The following SAMD7 variants were observed in gnomAD, a reference collection of about 807,000 sequenced individuals.
The protein encoded by SAMD7 is sterile alpha motif domain-containing protein 7.
A neutral mutation model predicts 36.7 loss-of-function variants in SAMD7; 34 were observed. That is an observed-to-expected ratio of 0.93 (90% confidence interval 0.71 to 1.23). SAMD7 has a LOEUF of 1.23. Ranked by LOEUF, SAMD7 falls within the 50% of genes most tolerant of loss-of-function variation. The probability of loss-of-function intolerance (pLI) is 0.00; values close to 1 mark genes in which losing one functional copy is unlikely to be tolerated. For synonymous variants in SAMD7, 188 were observed against 189.7 expected, an observed-to-expected ratio of 0.99 and a Z score of 0.07; for missense variants, 570 against 546.6, an observed-to-expected ratio of 1.04 and a Z score of -0.43.
intron 7 of SAMD7, chr3:169,931,911 G>C (rs1455304079): frequency 3.7e-6 from 1 of 271,134 alleles, no homozygotes; most frequent in Non-Finnish European, 7.2e-6. Flanking sequence ...TGTAATGATG[G>C]AATCTCCTTA....
chr3:169,916,706 A>C (rs1022722212), intron 2 of SAMD7, among the ~76,000 whole-genome samples: 1 of 152,184 alleles, frequency 6.6e-6, no homozygotes, highest in African/African-American at 2.4e-5. Context: ...CTCACTCCTC[A>C]CTTATGAGTA....
Position 169,919,948 on chromosome 3 carries a change from G to C in SAMD7, c.86+364G>C, listed in dbSNP as rs570747157. The stretch of plus-strand genomic sequence containing the variant: ...CCAGCACTTTGGGAGGCCAAGGTGG[G>C]CAGATCACAATGTCAGGAGTTTGAG... On this transcript the variant is annotated intron_variant, in intron 3 of 8. Transcript: ENST00000335556. 1.1e-4 allele frequency among the ~76,000 whole-genome samples: 16 copies of C among 152,338 alleles called. No homozygotes were observed. In the South Asian group the frequency reaches 3.3e-3, roughly 32 times the overall value.
chr3:169,932,195 C>A, intron 7 of SAMD7: 1 of 739,340 alleles, frequency 1.4e-6, no homozygotes, highest in South Asian at 1.5e-5. Flanking sequence ...TTGCAGTCTT[C>A]CTAGGAGACT....
At chr3:169,919,008 T>A (rs559761885) in intron 2 of SAMD7, among the ~76,000 whole-genome samples, 4 of 151,870 alleles carry the variant, frequency 2.6e-5, no homozygotes, top group South Asian at 2.1e-4. Context: ...TAGCCGGGCG[T>A]GGTGGTGGGT....
intron 7 of SAMD7, among the ~76,000 whole-genome samples, chr3:169,930,056 T>C (rs984491309): frequency 6.6e-5 from 10 of 152,244 alleles, no homozygotes; most frequent in African/African-American, 2.4e-4. Flanking sequence ...ATCTGGCACA[T>C]TGAATTTGAA....
Position 169,938,691 on chromosome 3 carries a change from A to G in SAMD7, c.*185A>G, listed in dbSNP as rs1180372338. 1.5e-5 allele frequency: 7 copies of G among 456,320 alleles called. No homozygotes were observed. Among genetic ancestry groups the G allele is most frequent in the Non-Finnish European group, 2.3e-5 (6 of 260,742 alleles). 28.3% of individuals were successfully genotyped at this position (456,320 alleles called of 1,614,324 possible). On this transcript the variant is annotated 3_prime_UTR_variant, in exon 9 of 9. Coordinates refer to ENST00000335556, the MANE Select transcript of SAMD7 (RefSeq NM_001304366.2). ...GCCAGGGCTGAATGACCCCAGCACC[A>G]AATGACTGGAGACGCATCCTTAGGA...
chr3:169,918,049 T>G (rs1712888615), intron 2 of SAMD7, among the ~76,000 whole-genome samples: 1 of 152,140 alleles, frequency 6.6e-6, no homozygotes, highest in Non-Finnish European at 1.5e-5. Flanking sequence ...GCAATTCTCC[T>G]GCCTCAGCCT....
intron 6 of SAMD7, among the ~76,000 whole-genome samples, chr3:169,928,153 G>A (rs891448005): frequency 7.9e-5 from 12 of 152,118 alleles, no homozygotes; most frequent in African/African-American, 2.9e-4. Flanking sequence ...CACCTATCAC[G>A]AAAACATAGT....
chr3:169,926,127 T>TC, intron 5 of SAMD7: 2 of 519,920 alleles, frequency 3.8e-6, no homozygotes, highest in Non-Finnish European at 6.6e-6. Context: ...CCTCTGCTCT[T>TC]CCCCAGCCAC....
At chr3:169,925,209 TAACAA>T in intron 5 of SAMD7, 73 bp downstream of exon 5, 3 of 943,674 alleles carry the variant, frequency 3.2e-6, no homozygotes, top group Non-Finnish European at 3.3e-6. Context: ...TATCTTCATA[TAACAA>T]ATGAATAGAT....
chr3:169,930,343 C>T (rs1206853582), intron 7 of SAMD7, among the ~76,000 whole-genome samples: 3 of 152,098 alleles, frequency 2.0e-5, no homozygotes, highest in Non-Finnish European at 4.4e-5. Context: ...TTAGTTTCCC[C>T]ATTAAAGTAT....
chr3:169,913,708 C>T (rs1203130520), intron 1 of SAMD7, among the ~76,000 whole-genome samples: 2 of 152,226 alleles, frequency 1.3e-5, no homozygotes, highest in Non-Finnish European at 2.9e-5. Flanking sequence ...TGCACTTTTA[C>T]TTGAGCATTT....
chr3:169,925,802 C>T (rs910224357), intron 5 of SAMD7, among the ~76,000 whole-genome samples: 9 of 152,240 alleles, frequency 5.9e-5, no homozygotes, highest in African/African-American at 2.2e-4. Context: ...ATCAGTGTCC[C>T]ATAATTAAAA....
rs747217867 is a variant in SAMD7 at position 169,928,482 on chromosome 3, G to A, written c.945G>A (p.Gly315=). 4 of 1,612,716 alleles carry A rather than the reference G, an allele frequency of 2.5e-6. No homozygotes were observed. The Admixed American group carries it at 5.0e-5, about 20-fold the overall frequency. ...LPGTHALVTI[G]GNLSLDEDIQ... is the part of the protein sequence containing the mutation. ...GAACACATGCACTGGTTACAATTGGGGGGAATCTTTCTTTGGATGAAGATA... is the reference window on the plus strand; with the variant it reads ...GAACACATGCACTGGTTACAATTGGAGGGAATCTTTCTTTGGATGAAGATA... The change falls in exon 7 of 9, where the codon GGG becomes GGA. Residue 315 remains glycine (G), a synonymous_variant. Coordinates refer to ENST00000335556, the MANE Select transcript of SAMD7 (RefSeq NM_001304366.2).
intron 1 of SAMD7, among the ~76,000 whole-genome samples, chr3:169,913,226 C>T (rs945514627): frequency 2.0e-5 from 3 of 152,128 alleles, no homozygotes; most frequent in Non-Finnish European, 4.4e-5. Flanking sequence ...TGTATGTAAT[C>T]AGAAAACATG....
At position 169,928,511 on chromosome 3, in the gene SAMD7, A is replaced by C; in HGVS notation, c.974A>C (p.Gln325Pro). ...AATCTTTCTTTGGATGAAGATATTC[A>C]GAAGTGGACCGTGGATGATGTGCAC... ...GGNLSLDEDI[Q>P]KWTVDDVHSF... Residue 325 changes from glutamine to proline, a missense_variant, in exon 7 of 9, where the codon CAG (glutamine) becomes CCG (proline). Transcript: ENST00000335556. 1 of 1,613,818 alleles carries C rather than the reference A, an allele frequency of 6.2e-7. No homozygotes were observed. The highest frequency in any genetic ancestry group is 1.1e-5 in the South Asian group (1 of 91,076).
chr3:169,925,005 A>G, intron 4 of SAMD7, 53 bp from the exon 5 acceptor site: 1 of 1,087,886 alleles, frequency 9.2e-7, no homozygotes, highest in Non-Finnish European at 1.4e-6. Context: ...ATTATTTTCA[A>G]ATGCATGTTT....
At chr3:169,932,592 GT>G (rs1263462557) in intron 7 of SAMD7, 1 of 521,606 alleles carries the variant, frequency 1.9e-6, no homozygotes. Flanking sequence ...CACAATACTT[GT>G]TTTTATGGGA....
At chr3:169,918,920 G>C (rs1311365685) in intron 2 of SAMD7, among the ~76,000 whole-genome samples, 61 of 152,332 alleles carry the variant, frequency 4.0e-4, no homozygotes, top group Non-Finnish European at 1.6e-4. Flanking sequence ...GCTGAGGCGG[G>C]TGGATCACCT....
Sources: allele counts gnomAD v4.1 joint callset (sites outside exome capture counted in the v4.1 genomes callset), GRCh38; gene constraint gnomAD v4.1.1; transcripts MANE v1.5; gene names NCBI Gene and HGNC (gene_info 2026-07-23, HGNC 2026-07-21).